The following TTC39B variants were observed in gnomAD, a reference collection of about 807,000 sequenced individuals.
TTC39B encodes the protein tetratricopeptide repeat domain 39B, also known as tetratricopeptide repeat protein 39B.
Under a neutral mutation model 96.6 loss-of-function variants are expected in TTC39B, and 92 were observed. That is an observed-to-expected ratio of 0.95 (90% CI 0.80 to 1.13). TTC39B has a LOEUF of 1.13. Among genes scored for constraint, TTC39B ranks in the 50% most tolerant of loss-of-function variants. The pLI is 0.00. For synonymous variants in TTC39B, 367 were observed against 299.4 expected, an observed-to-expected ratio of 1.23 and a Z score of -2.33; for missense variants, 955 against 809.3, an observed-to-expected ratio of 1.18 and a Z score of -2.18.
At chr9:15,235,985 A>T (rs1280208137) in intron 2 of TTC39B, among the ~76,000 whole-genome samples, 4 of 152,222 alleles carry the variant, frequency 2.6e-5, no homozygotes, top group Non-Finnish European at 5.9e-5. Context: ...AATGTAAATG[A>T]CCTAAATGCC....
chr9:15,187,965 C>G lies in TTC39B; in HGVS notation c.1395+6G>C. ...AGATGACATTAATGAAAGTATTGCACTTTACCTTGGACCATTTACTCTCTT... is the reference window on the plus strand; with the variant it reads ...AGATGACATTAATGAAAGTATTGCAGTTTACCTTGGACCATTTACTCTCTT... On this transcript the variant is annotated splice_donor_region_variant and intron_variant, in intron 14 of 19. Transcript: ENST00000512701. The G allele has an allele frequency of 6.4e-7, 1 of 1,566,706 alleles. No homozygotes were observed. The highest frequency in any genetic ancestry group is 2.3e-5 in the East Asian group (1 of 43,284).
chr9:15,303,921 C>G (rs1824679176), intron 1 of TTC39B, among the ~76,000 whole-genome samples: 1 of 152,190 alleles, frequency 6.6e-6, no homozygotes, highest in Non-Finnish European at 1.5e-5. Context: ...AGGCATGAGC[C>G]ACCACACCTG....
chr9:15,288,729 G>A (rs1433882013), intron 1 of TTC39B, among the ~76,000 whole-genome samples: 1 of 152,250 alleles, frequency 6.6e-6, no homozygotes, highest in Admixed American at 6.5e-5. Context: ...AGAGCGCACT[G>A]TAACACAACA....
At chr9:15,231,937 T>G (rs1203893151) in intron 2 of TTC39B, among the ~76,000 whole-genome samples, 1 of 152,072 alleles carries the variant, frequency 6.6e-6, no homozygotes, top group East Asian at 1.9e-4. Flanking sequence ...AGTGGAGCCC[T>G]CTCAAATCCT....
At chr9:15,193,677 G>C (rs1818989182) in intron 8 of TTC39B, among the ~76,000 whole-genome samples, 1 of 152,276 alleles carries the variant, frequency 6.6e-6, no homozygotes, top group East Asian at 1.9e-4. Flanking sequence ...TATTTGGTCA[G>C]CTCAATCAAT....
At chr9:15,302,763 G>C (rs1431154764) in intron 1 of TTC39B, among the ~76,000 whole-genome samples, 1 of 151,950 alleles carries the variant, frequency 6.6e-6, no homozygotes, top group Admixed American at 6.6e-5. Context: ...AGAATCGCTT[G>C]AACCCGGGAG....
chr9:15,251,700 C>CATAT (rs57422881), intron 2 of TTC39B, among the ~76,000 whole-genome samples: 2,187 of 98,030 alleles, frequency 0.022, 40 homozygotes, highest in Middle Eastern at 0.036. Context: ...CATACATATA[C>CATAT]ATATATATAT....
intron 10 of TTC39B, 34 bp downstream of exon 10, chr9:15,191,156 C>T (rs375886221): frequency 8.3e-6 from 12 of 1,451,274 alleles, no homozygotes; most frequent in Admixed American, 3.4e-5. Flanking sequence ...GTCTTATCTT[C>T]CCTGTCAAAA....
rs781424550 is a variant in TTC39B at position 15,307,084 on chromosome 9, C to G, written c.240G>C (p.Glu80Asp). ...GCCCGCAATCCCCATCGGATCGTACCTCGTCCGCTTCCAGCTCCGCTCGGC... is the reference window on the plus strand; with the variant it reads ...GCCCGCAATCCCCATCGGATCGTACGTCGTCCGCTTCCAGCTCCGCTCGGC... Residue 80 changes from glutamate (E) to aspartate (D), a missense_variant and splice_region_variant, in exon 1 of 20, where the codon GAG becomes GAC. Coordinates refer to ENST00000512701, the Ensembl canonical transcript of TTC39B. The G allele has an allele frequency of 1.1e-5, 17 of 1,609,690 alleles. No homozygotes were observed. The highest frequency in any genetic ancestry group is 1.3e-5 in the African/African-American group (1 of 74,836).
chr9:15,225,444 A>G (rs935738908), intron 3 of TTC39B, among the ~76,000 whole-genome samples: 1 of 152,196 alleles, frequency 6.6e-6, no homozygotes, highest in African/African-American at 2.4e-5. Flanking sequence ...AGAAATAATC[A>G]TAATATAATA....
chr9:15,186,512 G>A (rs1243745796), intron 15 of TTC39B: 3 of 153,442 alleles, frequency 2.0e-5, no homozygotes, highest in African/African-American at 7.2e-5. Context: ...GTTTTGATAT[G>A]GAGAAAACTT....
Position 15,302,649 on chromosome 9 carries a change from G to C in TTC39B, c.240+4435C>G, listed in dbSNP as rs141434725. ...ACCTGAGGTCAGGAGTTCGAGACCG[G>C]CCTGGCCAACGTGCTGAAACTCTGT... On this transcript the variant is annotated intron_variant, in intron 1 of 19. Coordinates refer to ENST00000512701, the Ensembl canonical transcript of TTC39B. Among the ~76,000 whole-genome samples, 767 of 150,040 alleles carry C rather than the reference G, an allele frequency of 5.1e-3. 4 individuals carry two copies. Among genetic ancestry groups the C allele is most frequent in the African/African-American group, 0.018 (739 of 40,976 alleles).
At chr9:15,190,097 A>G (rs1818770190) in intron 11 of TTC39B, among the ~76,000 whole-genome samples, 1 of 152,162 alleles carries the variant, frequency 6.6e-6, no homozygotes, top group Non-Finnish European at 1.5e-5. Flanking sequence ...TCTGCAAAGA[A>G]AAAAATCTCA....
chr9:15,246,659 C>A (rs529979834), intron 2 of TTC39B, among the ~76,000 whole-genome samples: 44 of 152,224 alleles, frequency 2.9e-4, no homozygotes, highest in Non-Finnish European at 5.4e-4. Context: ...AAGCTCAGAA[C>A]CACATTGCTA....
intron 17 of TTC39B, 98 bp from the exon 18 acceptor site, chr9:15,177,912 C>T (rs1818035820): frequency 1.4e-6 from 1 of 724,188 alleles, no homozygotes; most frequent in East Asian, 3.4e-5. Flanking sequence ...CTCTCTCACC[C>T]AGGCTGGAGT....
At chr9:15,229,075 AT>A (rs1340626670) in intron 2 of TTC39B, among the ~76,000 whole-genome samples, 16 of 152,204 alleles carry the variant, frequency 1.1e-4, no homozygotes, top group Non-Finnish European at 1.8e-4. Flanking sequence ...GACATAACCC[AT>A]TTATTGAAAG....
chr9:15,264,262 A>T (rs58239367), intron 2 of TTC39B, among the ~76,000 whole-genome samples: 6,814 of 152,294 alleles, frequency 0.045, 523 homozygotes, highest in African/African-American at 0.16. Context: ...TCTAATGTAC[A>T]ACATGAGGAT....
At chr9:15,281,234 T>G (rs1435369218) in intron 1 of TTC39B, among the ~76,000 whole-genome samples, 1 of 152,148 alleles carries the variant, frequency 6.6e-6, no homozygotes, top group Non-Finnish European at 1.5e-5. Flanking sequence ...AAGGTACTTC[T>G]CTAAGATTCT....
At chr9:15,282,263 C>T (rs1823795800) in intron 1 of TTC39B, among the ~76,000 whole-genome samples, 1 of 152,042 alleles carries the variant, frequency 6.6e-6, no homozygotes, top group Admixed American at 6.5e-5. Context: ...ACATTATCCA[C>T]CAAAAAATGA....
Sources: allele counts gnomAD v4.1 joint callset (sites outside exome capture counted in the v4.1 genomes callset), GRCh38; gene constraint gnomAD v4.1.1; transcripts MANE v1.5; gene names NCBI Gene and HGNC (gene_info 2026-07-23, HGNC 2026-07-21).